Variants in SCOC observed in about 807,000 individuals in gnomAD.
The protein encoded by SCOC is short coiled coil protein.
A neutral mutation model predicts 9.9 loss-of-function variants in SCOC; 7 were observed. The ratio of observed to expected loss-of-function variants is 0.71; its 90% confidence interval spans 0.40 to 1.33. The LOEUF (loss-of-function observed/expected upper bound fraction) is 1.33, where lower values mean the gene tolerates loss of function less well. SCOC is among the 40% of genes most tolerant of loss of function. SCOC has a pLI of 0.01. For missense variants in SCOC, 66 were observed against 89.7 expected, an observed-to-expected ratio of 0.74 and a Z score of 1.07; for synonymous variants, 19 against 28.2, an observed-to-expected ratio of 0.67 and a Z score of 1.03.
chr4:140,274,586 C>T (rs182985623), intron 1 of SCOC, among the ~76,000 whole-genome samples: 19 of 152,330 alleles, frequency 1.2e-4, no homozygotes, highest in African/African-American at 4.6e-4. Context: ...CTCCCTTCAG[C>T]CAGCAGCTGT....
At chr4:140,259,663 C>G (rs565136460) in intron 1 of SCOC, among the ~76,000 whole-genome samples, 1 of 152,272 alleles carries the variant, frequency 6.6e-6, no homozygotes, top group African/African-American at 2.4e-5. Context: ...GAGCTATGAG[C>G]ACACCACTGC....
intron 1 of SCOC, among the ~76,000 whole-genome samples, chr4:140,326,031 C>A (rs2126488081): frequency 6.6e-6 from 1 of 152,208 alleles, no homozygotes; most frequent in South Asian, 2.1e-4. Flanking sequence ...TACACAACAA[C>A]ACGGATCTTA....
At chr4:140,259,160 A>G (rs942524295) in intron 1 of SCOC, among the ~76,000 whole-genome samples, 1 of 152,250 alleles carries the variant, frequency 6.6e-6, no homozygotes, top group African/African-American at 2.4e-5. Context: ...CTTTGTCTAC[A>G]AAAGGTTGGA....
At chr4:140,361,782 A>G (rs1727480805) in intron 2 of SCOC, among the ~76,000 whole-genome samples, 1 of 152,202 alleles carries the variant, frequency 6.6e-6, no homozygotes, top group Non-Finnish European at 1.5e-5. Flanking sequence ...AACTTCTGTG[A>G]GTGACAAGAA....
chr4:140,340,336 A>G (rs921527260), upstream of SCOC, among the ~76,000 whole-genome samples: 2 of 152,104 alleles, frequency 1.3e-5, no homozygotes, highest in Non-Finnish European at 2.9e-5. Context: ...GCATTAGGAG[A>G]TATAACTAAT....
At chr4:140,278,878 T>A (rs1162150241) in intron 1 of SCOC, among the ~76,000 whole-genome samples, 7 of 128,356 alleles carry the variant, frequency 5.5e-5, no homozygotes. Flanking sequence ...CCCAACCCCA[T>A]CTGTTCTTCT....
At chr4:140,335,338 T>C (rs899915291) in intron 1 of SCOC, among the ~76,000 whole-genome samples, 1 of 152,186 alleles carries the variant, frequency 6.6e-6, no homozygotes, top group African/African-American at 2.4e-5. Flanking sequence ...TAGAGAGTTG[T>C]TGTGAGGATA....
At chr4:140,351,883 G>A (rs746188151) in intron 2 of SCOC, among the ~76,000 whole-genome samples, 2 of 152,182 alleles carry the variant, frequency 1.3e-5, no homozygotes, top group Non-Finnish European at 2.9e-5. Context: ...GCCATAGCAG[G>A]AGTCTTGTCG....
At chr4:140,305,998 ATAAT>A (rs1190794504) in intron 1 of SCOC, among the ~76,000 whole-genome samples, 1 of 152,214 alleles carries the variant, frequency 6.6e-6, no homozygotes, top group African/African-American at 2.4e-5. Context: ...AGAAAAAATA[ATAAT>A]TAAGCTCACT....
intron 1 of SCOC, among the ~76,000 whole-genome samples, chr4:140,258,850 C>T (rs2126383090): frequency 6.6e-6 from 1 of 152,324 alleles, no homozygotes; most frequent in Non-Finnish European, 1.5e-5. Flanking sequence ...ATGGTTCTCC[C>T]ACCATGTATC....
At chr4:140,371,034 C>T (rs920504572), upstream of SCOC, among the ~76,000 whole-genome samples, 2 of 152,036 alleles carry the variant, frequency 1.3e-5, no homozygotes, top group South Asian at 4.2e-4. Flanking sequence ...TACAGGCGCC[C>T]GCCACCACGC....
chr4:140,303,873 C>A (rs180706348), intron 1 of SCOC, among the ~76,000 whole-genome samples: 2 of 152,282 alleles, frequency 1.3e-5, no homozygotes, highest in South Asian at 4.2e-4. Context: ...ATAAAGAAAA[C>A]AAGCATTGCC....
At chr4:140,343,240 G>A (rs760076328), upstream of SCOC, among the ~76,000 whole-genome samples, 2 of 152,126 alleles carry the variant, frequency 1.3e-5, no homozygotes, top group African/African-American at 2.4e-5. Context: ...GAAGTTTACC[G>A]TGGGTATCTA....
At chr4:140,354,896 C>G (rs552273612) in intron 2 of SCOC, among the ~76,000 whole-genome samples, 1 of 151,910 alleles carries the variant, frequency 6.6e-6, no homozygotes, top group African/African-American at 2.4e-5. Flanking sequence ...AAAAAGCAAC[C>G]CGTCATCACT....
intron 2 of SCOC, among the ~76,000 whole-genome samples, chr4:140,352,609 A>C (rs952044229): frequency 6.6e-6 from 1 of 152,260 alleles, no homozygotes; most frequent in Non-Finnish European, 1.5e-5. Context: ...TAACTGAAAT[A>C]AATGATCTAG....
chr4:140,379,304 A>C, intron 2 of SCOC, 112 bp downstream of exon 2: 1 of 811,428 alleles, frequency 1.2e-6, no homozygotes, highest in East Asian at 2.4e-5. Context: ...ATCTTGGCTA[A>C]TTACTTATTT....
At chr4:140,362,731 C>G (rs1471810110) in intron 2 of SCOC, 1 of 152,162 alleles carries the variant, frequency 6.6e-6, no homozygotes, top group Non-Finnish European at 1.5e-5. Flanking sequence ...CTTCTTTAAT[C>G]TCCAGCTGGT....
intron 1 of SCOC, chr4:140,284,926 C>A: frequency 4.7e-6 from 1 of 212,466 alleles, no homozygotes; most frequent in South Asian, 7.7e-5. Context: ...TAAATGAATG[C>A]ATCATTAATG....
At chr4:140,373,343 A>G, upstream of SCOC, 1 of 1,419,052 alleles carries the variant, frequency 7.0e-7, no homozygotes, top group Non-Finnish European at 9.2e-7. Context: ...TCCAATTCTC[A>G]GGTTTCCTGA....
Sources: allele counts gnomAD v4.1 joint callset (sites outside exome capture counted in the v4.1 genomes callset), GRCh38; gene constraint gnomAD v4.1.1; transcripts MANE v1.5; gene names NCBI Gene and HGNC (gene_info 2026-07-23, HGNC 2026-07-21).